The following AMOT variants were observed in gnomAD, a reference collection of about 807,000 sequenced individuals.
AMOT encodes the protein angiomotin.
Under a neutral mutation model 67.0 loss-of-function variants are expected in AMOT, and 11 were observed. The ratio of observed to expected loss-of-function variants is 0.16; its 90% CI spans 0.10 to 0.27. The LOEUF (loss-of-function observed/expected upper bound fraction) is 0.27, where lower values mean the gene tolerates loss of function less well. Among genes scored for constraint, AMOT ranks in the 10% least tolerant of loss-of-function variants. The probability of loss-of-function intolerance (pLI) is 1.00; values close to 1 mark genes in which losing one functional copy is unlikely to be tolerated. For missense variants in AMOT, 753 were observed against 852.0 expected, an observed-to-expected ratio of 0.88 and a Z score of 1.45; for synonymous variants, 326 against 321.4, an observed-to-expected ratio of 1.01 and a Z score of -0.15.
chrX:112,822,958 G>A lies in AMOT; in HGVS notation c.169C>T (p.Pro57Ser). Residue 57 changes from proline (P) to serine (S), a missense_variant, in exon 4 of 14, where the codon CCT becomes TCT. By Grantham distance (74) the Pro-to-Ser change is moderately conservative (BLOSUM62 -1). This residue lies in a region of AMOT where 118 missense variants were observed against 125.9 expected (regional missense o/e 0.94). Transcript: ENST00000371959. Reference protein sequence around the residue: ...PFPSGSGNPGPQSDVLSPQDH... With the variant: ...PFPSGSGNPGSQSDVLSPQDH... Reference sequence around the variant, plus strand: ...TGGGGACTCAACACATCACTCTGAGGGCCCGGGTTCCCACTGCCACTGGGG... The same window carrying A: ...TGGGGACTCAACACATCACTCTGAGAGCCCGGGTTCCCACTGCCACTGGGG... 8.6e-7 allele frequency: 1 copy of A among 1,167,614 alleles called. No homozygotes were observed. The highest frequency in any genetic ancestry group is 3.3e-5 in the East Asian group (1 of 30,754).
chrX:112,806,950 A>G (rs1934209796), intron 7 of AMOT, among the ~76,000 whole-genome samples: 1 of 112,319 alleles, frequency 8.9e-6, no homozygotes, highest in African/African-American at 3.2e-5. Flanking sequence ...TGACTCCAGC[A>G]GGGAGAGGGA....
chrX:112,801,328 G>A (rs953723218), intron 8 of AMOT, among the ~76,000 whole-genome samples: 1 of 111,215 alleles, frequency 9.0e-6, no homozygotes, highest in African/African-American at 3.3e-5. Context: ...TAGGACCTAC[G>A]TGTCCCGAAA....
In AMOT at chrX:112,811,372, C is replaced by T. The variant is rs41300179; in HGVS notation, c.1414G>A (p.Val472Ile). The T allele has an allele frequency of 5.5e-5, 66 of 1,204,074 alleles. No homozygotes were observed. The highest frequency in any genetic ancestry group is 6.3e-5 in the Non-Finnish European group (56 of 892,170). The change falls in exon 6 of 14, where the codon GTC (valine) becomes ATC (isoleucine). Residue 472 changes from valine to isoleucine, a missense_variant. Val to Ile is a conservative substitution (Grantham distance 29, BLOSUM62 3). This residue lies in a region of AMOT where 297 missense variants were observed against 284.3 expected (regional missense o/e 1.04). Coordinates refer to ENST00000371959, the MANE Select transcript of AMOT (RefSeq NM_001113490.2). ...ACGAGGTTCTCATATGCCTCCGAGA[C>T]GCGCTGGATTTCTGTCTCCACCTTA... ...LQKVETEIQR[V>I]SEAYENLVKS...
Position 112,823,101 on chromosome X carries a change from C to G in AMOT, c.26G>C (p.Ser9Thr). Residue 9 changes from serine (S) to threonine (T), a missense_variant, in exon 4 of 14, where the codon AGT becomes ACT. Physicochemically the swap from Ser to Thr is moderately conservative, Grantham distance 58. This residue lies in a region of AMOT where 118 missense variants were observed against 125.9 expected (regional missense o/e 0.94). Coordinates refer to ENST00000371959, the MANE Select transcript of AMOT (RefSeq NM_001113490.2). MRNSEEQP[S>T]GGTTVLQRLL... ...ACGCTGCAATACCGTGGTCCCTCCA[C>G]TTGGCTGTTCTTCAGAATTTCTCAT... The G allele has an allele frequency of 8.6e-7, 1 of 1,158,363 alleles. No individual in the cohort carries two copies. Among genetic ancestry groups the G allele is most frequent in the Non-Finnish European group, 1.2e-6 (1 of 867,494 alleles).
At chrX:112,812,693 A>G (rs1308934334) in intron 5 of AMOT, among the ~76,000 whole-genome samples, 1 of 112,251 alleles carries the variant, frequency 8.9e-6, no homozygotes, top group Non-Finnish European at 1.9e-5. Flanking sequence ...TGGACTCTGC[A>G]ACCATTCTGC....
chrX:112,833,055 C>G, intron 1 of AMOT, among the ~76,000 whole-genome samples: 1 of 111,956 alleles, frequency 8.9e-6, no homozygotes, highest in Middle Eastern at 4.6e-3. Flanking sequence ...GATTAAACCA[C>G]AAATCATATA....
chrX:112,782,688 G>A lies in AMOT; in HGVS notation c.2118-26C>T, dbSNP rs369180112. 61 of 1,194,635 alleles carry A rather than the reference G, an allele frequency of 5.1e-5. No individual in the cohort carries two copies. The African/African-American group carries it at 9.5e-4, about 19-fold the overall frequency. The stretch of plus-strand genomic sequence containing the variant: ...CTGGGGAGGAAAATGGAAGTGATGA[G>A]ATGGGAGCATAGCAAGATCAATGAA... On this transcript the variant is annotated intron_variant, in intron 10 of 13. Transcript: ENST00000371959.
In AMOT at chrX:112,779,693, G is replaced by A; in HGVS notation, c.2474-13C>T. The A allele has an allele frequency of 2.6e-6, 3 of 1,158,693 alleles. No homozygotes were observed. Among genetic ancestry groups the A allele is most frequent in the Non-Finnish European group, 3.5e-6 (3 of 857,346 alleles). On this transcript the variant is annotated splice_polypyrimidine_tract_variant and intron_variant, in intron 12 of 13. Coordinates refer to ENST00000371959, the MANE Select transcript of AMOT (RefSeq NM_001113490.2). ...CCCAGGAGAATGCCTACAAATGAAAGAGGAACAGATGTTAGAAAACAATAG... is the reference window on the plus strand; with the variant it reads ...CCCAGGAGAATGCCTACAAATGAAAAAGGAACAGATGTTAGAAAACAATAG...
chrX:112,839,572 T>C lies in AMOT; in HGVS notation c.-289+880A>G, dbSNP rs138570195. 7.4e-3 allele frequency among the ~76,000 whole-genome samples: 829 copies of C among 111,907 alleles called. 11 individuals carry two copies. Among genetic ancestry groups the C allele is most frequent in the African/African-American group, 0.025 (761 of 30,764 alleles). On this transcript the variant is annotated intron_variant, in intron 1 of 13. Coordinates refer to ENST00000371959, the MANE Select transcript of AMOT (RefSeq NM_001113490.2). ...TTGTTGAAAAGTTCGTTCTAAAACA[T>C]ACACTAGAGATTGAAAATGCTGTTT...
At chrX:112,827,505 T>C (rs1316516135) in intron 2 of AMOT, among the ~76,000 whole-genome samples, 1 of 112,298 alleles carries the variant, frequency 8.9e-6, no homozygotes, top group Admixed American at 9.4e-5. Context: ...GACATCATCT[T>C]CAATCAATAA....
chrX:112,782,740 G>T lies in AMOT; in HGVS notation c.2118-78C>A. 1.4e-5 allele frequency: 16 copies of T among 1,111,635 alleles called. No individual in the cohort carries two copies. The South Asian group carries it at 3.0e-4, about 21-fold the overall frequency. The allele number at this position is 1,111,635 out of a possible 1,213,427, so 91.6% of individuals were successfully genotyped here. On this transcript the variant is annotated intron_variant, in intron 10 of 13. Coordinates refer to ENST00000371959, the MANE Select transcript of AMOT (RefSeq NM_001113490.2). ...GTTATCTTTCTTCTAAGTCAAGGAA[G>T]GCTTTTCTGGAAAGTCCTAAGCTGA...
rs138391136 is a variant in AMOT, at chrX:112,793,248, T to C, written c.1777-1267A>G. 7.5e-3 allele frequency among the ~76,000 whole-genome samples: 841 copies of C among 111,473 alleles called. 5 individuals are homozygous for C. The highest frequency in any genetic ancestry group is 0.026 in the African/African-American group (806 of 30,743). Reference sequence around the variant, plus strand: ...CACCTTCACTCTTCAGATTAAAATATGAAAATATTCTTGATAATCTAGTCA... The same window carrying C: ...CACCTTCACTCTTCAGATTAAAATACGAAAATATTCTTGATAATCTAGTCA... On this transcript the variant is annotated intron_variant, in intron 8 of 13. Coordinates refer to ENST00000371959, the MANE Select transcript of AMOT (RefSeq NM_001113490.2).
intron 2 of AMOT, among the ~76,000 whole-genome samples, chrX:112,828,677 A>G (rs140533727): frequency 0.012 from 1,288 of 111,391 alleles, 13 homozygotes; most frequent in African/African-American, 0.04. Flanking sequence ...CTCTTCTTGT[A>G]TAGATGAAGA....
intron 2 of AMOT, among the ~76,000 whole-genome samples, chrX:112,831,227 G>A (rs960694310): frequency 4.5e-5 from 5 of 110,104 alleles, no homozygotes; most frequent in African/African-American, 1.3e-4. Context: ...CATTCCTTCC[G>A]TGACTTCTTA....
chrX:112,803,863 T>C (rs764366215), intron 8 of AMOT, among the ~76,000 whole-genome samples: 1 of 112,388 alleles, frequency 8.9e-6, no homozygotes, highest in African/African-American at 3.2e-5. Flanking sequence ...CTTTTTATGA[T>C]GAAGGCTATT....
Position 112,790,573 on chromosome X carries a change from C to A in AMOT, c.2117+19G>T. 8.5e-7 allele frequency: 1 copy of A among 1,170,758 alleles called. No homozygotes were observed. Among genetic ancestry groups the A allele is most frequent in the Non-Finnish European group, 1.1e-6 (1 of 873,467 alleles). ...CCTTTCTGTTCTTCCCACTCATGCCCTACCAGCTACCTACTTACCTCTGAG... is the reference window on the plus strand; with the variant it reads ...CCTTTCTGTTCTTCCCACTCATGCCATACCAGCTACCTACTTACCTCTGAG... On this transcript the variant is annotated intron_variant, in intron 10 of 13. Transcript: ENST00000371959.
intron 7 of AMOT, among the ~76,000 whole-genome samples, chrX:112,806,353 TAAA>T (rs1199850816): frequency 1.0e-5 from 1 of 99,568 alleles, no homozygotes; most frequent in Admixed American, 1.1e-4. Context: ...TACATATGTA[TAAA>T]ACGTGTGTGT....
At chrX:112,805,277 A>G (rs2031059511) in intron 7 of AMOT, among the ~76,000 whole-genome samples, 185 bp from the exon 8 acceptor site, 1 of 110,395 alleles carries the variant, frequency 9.1e-6, no homozygotes, top group African/African-American at 3.3e-5. Flanking sequence ...AGAAATTCAG[A>G]AAAGTCACTT....
chrX:112,821,317 C>A (rs1313561078), intron 4 of AMOT, among the ~76,000 whole-genome samples: 1 of 111,215 alleles, frequency 9.0e-6, no homozygotes, highest in African/African-American at 3.3e-5. Context: ...GGCAGGATAC[C>A]ACACTTAAAT....
Sources: gnomAD v4.1 joint callset for allele counts (sites outside exome capture counted in the v4.1 genomes callset) on GRCh38, gnomAD v4.1.1 for gene constraint, gnomAD v4.1.1 regional missense constraint, MANE v1.5 for transcripts, NCBI Gene and HGNC (gene_info 2026-07-23, HGNC 2026-07-21) for gene names.